Variants in RPS6KC1 observed in about 807,000 individuals in gnomAD.
RPS6KC1 encodes inactive ribosomal protein S6 kinase delta-1.
Under a neutral mutation model 103.8 loss-of-function variants are expected in RPS6KC1, and 54 were observed. That is an observed-to-expected ratio of 0.52 (90% CI 0.42 to 0.65). The LOEUF is 0.65. RPS6KC1 is among the 30% of genes least tolerant of loss of function. The pLI, the probability that RPS6KC1 is intolerant of heterozygous loss-of-function variation, is 0.00. For missense variants in RPS6KC1, 1,151 were observed against 1,253.8 expected (o/e 0.92, Z 1.24); for synonymous variants, 439 against 438.7 (o/e 1.00, Z -0.01).
At chr1:213,573,028 A>T in the RPS6KC1 span, among the ~76,000 whole-genome samples, 1 of 152,288 alleles carries the variant, frequency 6.6e-6, no homozygotes, top group African/African-American at 2.4e-5. Flanking sequence ...GGTTAGATGC[A>T]GCCTCCTGCT....
the RPS6KC1 span, among the ~76,000 whole-genome samples, chr1:213,360,940 C>T: frequency 2.7e-3 from 409 of 152,344 alleles, 2 homozygotes; most frequent in African/African-American, 8.8e-3. Context: ...GAGGGCTACT[C>T]GGCTGCGTGA....
At chr1:213,437,077 C>T in the RPS6KC1 span, among the ~76,000 whole-genome samples, 1 of 151,958 alleles carries the variant, frequency 6.6e-6, no homozygotes, top group Non-Finnish European at 1.5e-5. Flanking sequence ...CCTATTTTGT[C>T]CCTGATCTCA....
the RPS6KC1 span, among the ~76,000 whole-genome samples, chr1:213,746,904 T>C: frequency 6.6e-6 from 1 of 152,194 alleles, no homozygotes; most frequent in East Asian, 1.9e-4. Context: ...AGTTGAGTCT[T>C]AGGCATGTTA....
the RPS6KC1 span, among the ~76,000 whole-genome samples, chr1:213,857,055 A>G: frequency 6.6e-6 from 1 of 152,248 alleles, no homozygotes; most frequent in Admixed American, 6.5e-5. Context: ...TTATATTTGT[A>G]TTGAATATAT....
intron 6 of RPS6KC1, among the ~76,000 whole-genome samples, chr1:213,149,382 TCTTTA>T (rs2088325590): frequency 6.6e-6 from 1 of 152,204 alleles, no homozygotes; most frequent in Non-Finnish European, 1.5e-5. Context: ...AATTTTCAGT[TCTTTA>T]CTTCTTCATT....
intron 4 of RPS6KC1, among the ~76,000 whole-genome samples, chr1:213,105,477 T>G (rs1489420922): frequency 7.1e-6 from 1 of 140,432 alleles, no homozygotes; most frequent in Admixed American, 7.1e-5. Context: ...ATTTAATTTT[T>G]CTGATTTTAG....
chr1:213,652,822 C>T, the RPS6KC1 span, among the ~76,000 whole-genome samples: 2 of 152,170 alleles, frequency 1.3e-5, no homozygotes, highest in Non-Finnish European at 2.9e-5. Flanking sequence ...AAGCACATGA[C>T]TGGGCCAGGC....
chr1:213,667,962 C>T, the RPS6KC1 span, among the ~76,000 whole-genome samples: 1 of 152,218 alleles, frequency 6.6e-6, no homozygotes, highest in Non-Finnish European at 1.5e-5. Context: ...TCAGGGTCTA[C>T]TTCTAATTCT....
the RPS6KC1 span, among the ~76,000 whole-genome samples, chr1:213,620,833 C>A: frequency 6.6e-6 from 1 of 152,108 alleles, no homozygotes; most frequent in Non-Finnish European, 1.5e-5. Context: ...ACCACTGTAC[C>A]ATTACTGCCT....
At chr1:213,420,565 G>A in the RPS6KC1 span, among the ~76,000 whole-genome samples, 1 of 152,176 alleles carries the variant, frequency 6.6e-6, no homozygotes, top group Non-Finnish European at 1.5e-5. Context: ...TGAGGAGTGT[G>A]AGTAGGAGTG....
At chr1:213,424,294 C>A in the RPS6KC1 span, among the ~76,000 whole-genome samples, 2 of 152,178 alleles carry the variant, frequency 1.3e-5, no homozygotes, top group African/African-American at 4.8e-5. Context: ...TTTTCTTGTT[C>A]TTTCCAAAGG....
chr1:213,235,146 C>G (rs1278132605), intron 10 of RPS6KC1, among the ~76,000 whole-genome samples: 1 of 152,160 alleles, frequency 6.6e-6, no homozygotes, highest in Non-Finnish European at 1.5e-5. Context: ...AACATGAATG[C>G]TTTGAATACT....
the RPS6KC1 span, among the ~76,000 whole-genome samples, chr1:213,816,911 G>A: frequency 3.5e-4 from 53 of 152,268 alleles, no homozygotes; most frequent in Non-Finnish European, 5.9e-4. Flanking sequence ...ACCATGCCTC[G>A]CATACTACCT....
chr1:213,584,708 G>C, the RPS6KC1 span, among the ~76,000 whole-genome samples: 1 of 152,208 alleles, frequency 6.6e-6, no homozygotes, highest in Admixed American at 6.5e-5. Flanking sequence ...TTCCTTCACT[G>C]CTTAATTTTT....
the RPS6KC1 span, among the ~76,000 whole-genome samples, chr1:213,830,055 C>T: frequency 6.6e-6 from 1 of 152,108 alleles, no homozygotes; most frequent in Non-Finnish European, 1.5e-5. Context: ...ACTGCTGGTC[C>T]CCACTGGCCG....
the RPS6KC1 span, among the ~76,000 whole-genome samples, chr1:213,533,171 G>A: frequency 1.3e-4 from 20 of 152,316 alleles, no homozygotes; most frequent in African/African-American, 4.6e-4. Flanking sequence ...TCAGGGCTCA[G>A]GGGCTGCCAT....
chr1:213,235,813 G>T (rs1172619300), intron 10 of RPS6KC1, among the ~76,000 whole-genome samples: 7 of 152,158 alleles, frequency 4.6e-5, no homozygotes, highest in Non-Finnish European at 8.8e-5. Flanking sequence ...GAGCAAAGGA[G>T]TGATGAGATA....
At chr1:213,309,494 A>G in the RPS6KC1 span, among the ~76,000 whole-genome samples, 2 of 152,220 alleles carry the variant, frequency 1.3e-5, no homozygotes, top group South Asian at 2.1e-4. Context: ...ATCGGAGTTC[A>G]TAGGAACTTT....
chr1:213,816,664 C>G, the RPS6KC1 span, among the ~76,000 whole-genome samples: 1 of 152,254 alleles, frequency 6.6e-6, no homozygotes, highest in South Asian at 2.1e-4. Flanking sequence ...GCCCCCTGTT[C>G]CTGGACCTTC....
Sources: allele counts gnomAD v4.1 joint callset (sites outside exome capture counted in the v4.1 genomes callset), GRCh38; gene constraint gnomAD v4.1.1; transcripts MANE v1.5; gene names NCBI Gene and HGNC (gene_info 2026-07-23, HGNC 2026-07-21).